The following H2AZ2 variants were observed in gnomAD, a reference collection of about 807,000 sequenced individuals.
The protein encoded by H2AZ2 is H2A.Z variant histone 2, also known as histone H2A.V.
In H2AZ2, 5 loss-of-function variants were observed where a neutral mutation model predicts 15.5. The ratio of observed to expected loss-of-function variants is 0.32; its 90% CI spans 0.17 to 0.68. The LOEUF (loss-of-function observed/expected upper bound fraction) is 0.68, where lower values mean the gene tolerates loss of function less well. Among genes scored for constraint, H2AZ2 ranks in the 30% least tolerant of loss-of-function variants. The pLI, the probability that H2AZ2 is intolerant of heterozygous loss-of-function variation, is 0.72. For missense variants in H2AZ2, 42 were observed against 162.5 expected (o/e 0.26, Z 4.03); for synonymous variants, 44 against 57.4 (o/e 0.77, Z 1.05).
rs1207503236 is a variant in H2AZ2 at position 44,832,871 on chromosome 7, G to A, written c.*1630C>T. ...GGGCTGAGGTAAGAGGATTGCTTGG[G>A]CCTGAGAGGTGGAGGCTGCAGTGAG... On this transcript the variant is annotated 3_prime_UTR_variant, in exon 5 of 5. Coordinates refer to ENST00000308153, the MANE Select transcript of H2AZ2 (RefSeq NM_012412.5). 6.6e-6 allele frequency among the ~76,000 whole-genome samples: 1 copy of A among 152,088 alleles called. No homozygotes were observed. Among genetic ancestry groups the A allele is most frequent in the Non-Finnish European group, 1.5e-5 (1 of 68,012 alleles).
chr7:44,834,067 T>C lies in H2AZ2; in HGVS notation c.*434A>G, dbSNP rs141740942. On this transcript the variant is annotated 3_prime_UTR_variant, in exon 5 of 5. Coordinates refer to ENST00000308153, the MANE Select transcript of H2AZ2 (RefSeq NM_012412.5). ...TGTAAAAAATGGTGCTACAGATCAA[T>C]AGCATCTAAGAGTCAATATACCATG... 689 of 722,638 alleles carry C rather than the reference T, an allele frequency of 9.5e-4. 6 individuals are homozygous for C. In the African/African-American group the frequency reaches 0.012, roughly 12 times the overall value. The allele number at this position is 722,638 out of a possible 1,614,324, so 44.8% of individuals were successfully genotyped here.
At chr7:44,836,524 T>C (rs1793126877) in intron 3 of H2AZ2, among the ~76,000 whole-genome samples, 1 of 151,856 alleles carries the variant, frequency 6.6e-6, no homozygotes, top group Non-Finnish European at 1.5e-5. Context: ...TTTAAAATAA[T>C]TTCTTTTTTT....
At chr7:44,836,848 T>C (rs112903202) in intron 3 of H2AZ2, among the ~76,000 whole-genome samples, 2 of 151,122 alleles carry the variant, frequency 1.3e-5, no homozygotes, top group Non-Finnish European at 2.9e-5. Flanking sequence ...TACAAAAAAT[T>C]AGCTGGGTGT....
chr7:44,827,339 G>A (rs1792939485), downstream of H2AZ2: 1 of 152,198 alleles, frequency 6.6e-6, no homozygotes, highest in South Asian at 2.1e-4. Context: ...CAGACTATCA[G>A]CATCTGTGGA....
rs55941046 is a variant in H2AZ2, at chr7:44,843,137, C to CAAA, written c.81+137_81+139dup. ...CTGACGACAGAGTGAGACTCTGTCT[C>CAAA]AAAAAAAAAAAAAAAAAAAAAAAAA... On this transcript the variant is annotated intron_variant, in intron 2 of 4. Coordinates refer to ENST00000308153, the MANE Select transcript of H2AZ2 (RefSeq NM_012412.5). The CAAA allele has an allele frequency of 3.2e-3, 272 of 86,188 alleles. 97 individuals carry two copies. Among genetic ancestry groups the CAAA allele is most frequent in the African/African-American group, 6.6e-3 (44 of 6,662 alleles). 5.3% of individuals were successfully genotyped at this position (86,188 alleles called of 1,614,324 possible). A position where few individuals can be genotyped will look rare whatever the true frequency, so the allele number is the denominator to read the frequency against.
intron 2 of H2AZ2, among the ~76,000 whole-genome samples, chr7:44,841,991 C>T (rs1489831675): frequency 6.6e-6 from 1 of 152,172 alleles, no homozygotes; most frequent in East Asian, 1.9e-4. Context: ...CCCATTTTTC[C>T]TAACCCTAAC....
At chr7:44,847,478 T>G (rs1793440199) in intron 1 of H2AZ2, among the ~76,000 whole-genome samples, 3 of 152,148 alleles carry the variant, frequency 2.0e-5, no homozygotes, top group Admixed American at 6.5e-5. Context: ...TATAAAACCA[T>G]TCTTTGTCGC....
chr7:44,846,062 C>CACACACACACACACACAGAGAGAGAG, intron 1 of H2AZ2, among the ~76,000 whole-genome samples: 1 of 75,060 alleles, frequency 1.3e-5, no homozygotes, highest in Non-Finnish European at 3.2e-5. Context: ...CACACACACA[C>CACACACACACACACACAGAGAGAGAG]AGAGAGAGAC....
At chr7:44,843,243 AAAT>A (rs778257383) in intron 2 of H2AZ2, 31 bp downstream of exon 2, 3 of 1,446,840 alleles carry the variant, frequency 2.1e-6, no homozygotes, top group East Asian at 2.3e-5. Flanking sequence ...ACAGTAAAGA[AAAT>A]AATAATGTAA....
At chr7:44,837,882 T>C (rs1263462778) in intron 3 of H2AZ2, among the ~76,000 whole-genome samples, 1 of 151,878 alleles carries the variant, frequency 6.6e-6, no homozygotes, top group Non-Finnish European at 1.5e-5. Flanking sequence ...ACCACAATGT[T>C]CAATGTAAGA....
Position 44,834,302 on chromosome 7 carries a change from A to G in H2AZ2, c.*199T>C. On this transcript the variant is annotated 3_prime_UTR_variant, in exon 5 of 5. Transcript: ENST00000308153. ...CGGGAGAAACCTAGCCAATCAACAC[A>G]CAACTGTCACCACATGAAAAGGTAC... is the stretch of plus-strand genomic sequence containing the variant. 7.6e-7 allele frequency: 1 copy of G among 1,310,312 alleles called. No individual in the cohort carries two copies. Among genetic ancestry groups the G allele is most frequent in the Non-Finnish European group, 9.7e-7 (1 of 1,025,864 alleles). The allele number at this position is 1,310,312 out of a possible 1,614,324, so 81.2% of individuals were successfully genotyped here. A position where few individuals can be genotyped will look rare whatever the true frequency, so the allele number is the denominator to read the frequency against.
chr7:44,843,826 G>A (rs1291062500), intron 1 of H2AZ2, among the ~76,000 whole-genome samples: 5 of 152,074 alleles, frequency 3.3e-5, no homozygotes, highest in Non-Finnish European at 5.9e-5. Flanking sequence ...CCAAAGTGCT[G>A]GGATTACAGG....
chr7:44,846,062 C>CACACACACACACAGAGAGAGAGAG (rs57468916), intron 1 of H2AZ2, among the ~76,000 whole-genome samples: 78 of 75,132 alleles, frequency 1.0e-3, no homozygotes, highest in Non-Finnish European at 2.1e-3. Flanking sequence ...CACACACACA[C>CACACACACACACAGAGAGAGAGAG]AGAGAGAGAC....
chr7:44,838,253 G>A (rs1328315849), intron 3 of H2AZ2, among the ~76,000 whole-genome samples: 2 of 151,930 alleles, frequency 1.3e-5, no homozygotes, highest in Non-Finnish European at 2.9e-5. Flanking sequence ...GATTACAGGC[G>A]TAAGCCACCG....
downstream of H2AZ2, among the ~76,000 whole-genome samples, chr7:44,831,493 G>A (rs1562783666): frequency 6.6e-6 from 1 of 151,762 alleles, no homozygotes; most frequent in Non-Finnish European, 1.5e-5. Flanking sequence ...TGAATCAAGT[G>A]ATTCAGCCAA....
intron 3 of H2AZ2, 89 bp downstream of exon 3, chr7:44,840,810 T>C: frequency 1.2e-6 from 1 of 826,286 alleles, no homozygotes; most frequent in Non-Finnish European, 1.9e-6. Flanking sequence ...GCATAATATG[T>C]CTTTTTTCAA....
chr7:44,843,021 C>T (rs1263318757), intron 2 of H2AZ2, among the ~76,000 whole-genome samples: 2 of 151,534 alleles, frequency 1.3e-5, no homozygotes, highest in African/African-American at 2.4e-5. Flanking sequence ...CGCCTGCAGT[C>T]CCAGCTATGT....
At chr7:44,841,407 T>A (rs938417188) in intron 2 of H2AZ2, among the ~76,000 whole-genome samples, 1 of 151,860 alleles carries the variant, frequency 6.6e-6, no homozygotes, top group Non-Finnish European at 1.5e-5. Flanking sequence ...ATCTGATAGT[T>A]AAGAAAAATC....
intron 1 of H2AZ2, among the ~76,000 whole-genome samples, chr7:44,843,607 GGAGTGCAGTGGTGCGAC>G: frequency 6.6e-6 from 1 of 152,156 alleles, no homozygotes; most frequent in East Asian, 1.9e-4. Context: ...TGCCCAGGCT[GGAGTGCAGTGGTGCGAC>G]CTTGACTCAC....
Sources: gnomAD v4.1 joint callset for allele counts (sites outside exome capture counted in the v4.1 genomes callset) on GRCh38, gnomAD v4.1.1 for gene constraint, MANE v1.5 for transcripts, NCBI Gene and HGNC (gene_info 2026-07-23, HGNC 2026-07-21) for gene names.